The following CIB4 variants were observed in gnomAD, a reference collection of about 807,000 sequenced individuals.
CIB4 encodes the protein calcium and integrin-binding family member 4.
In CIB4, 25 loss-of-function variants were observed where a neutral mutation model predicts 25.8. The observed-to-expected ratio is 0.97, with a 90% CI of 0.71 to 1.35. The LOEUF is 1.35. Among genes scored for constraint, CIB4 ranks in the 40% most tolerant of loss-of-function variants. The pLI is 0.00. For synonymous variants in CIB4, 75 were observed against 81.4 expected, an observed-to-expected ratio of 0.92 and a Z score of 0.42; for missense variants, 235 against 228.2, an observed-to-expected ratio of 1.03 and a Z score of -0.19.
intron 5 of CIB4, 148 bp downstream of exon 5, chr2:26,583,641 A>G (rs893894025): frequency 1.6e-6 from 1 of 626,886 alleles, no homozygotes; most frequent in African/African-American, 1.8e-5. Flanking sequence ...CCCCCAGGGA[A>G]TGTGTGCACC....
At chr2:26,639,125 G>A (rs1049205561) in intron 2 of CIB4, among the ~76,000 whole-genome samples, 3 of 152,132 alleles carry the variant, frequency 2.0e-5, no homozygotes, top group East Asian at 3.9e-4. Context: ...GGCCTTGAGG[G>A]AAAAGGACTG....
At chr2:26,639,852 G>T (rs1390555177) in intron 2 of CIB4, among the ~76,000 whole-genome samples, 1 of 152,100 alleles carries the variant, frequency 6.6e-6, no homozygotes, top group Non-Finnish European at 1.5e-5. Context: ...GTCTTGGTGA[G>T]CTCCTTTATT....
intron 3 of CIB4, among the ~76,000 whole-genome samples, chr2:26,617,628 C>T (rs1669118772): frequency 6.6e-6 from 1 of 152,182 alleles, no homozygotes; most frequent in Non-Finnish European, 1.5e-5. Flanking sequence ...TTTTCATTAA[C>T]AAGCCAGGGA....
intron 3 of CIB4, among the ~76,000 whole-genome samples, chr2:26,597,099 AT>A (rs539988852): frequency 2.8e-4 from 42 of 152,298 alleles, no homozygotes; most frequent in African/African-American, 9.4e-4. Context: ...TTAAAATGGG[AT>A]TTTTTGTGGT....
chr2:26,617,781 C>T (rs1669124038), intron 3 of CIB4, among the ~76,000 whole-genome samples: 1 of 152,202 alleles, frequency 6.6e-6, no homozygotes, highest in Admixed American at 6.5e-5. Flanking sequence ...AATCCTTTGC[C>T]CTCTGGCTGA....
Position 26,623,724 on chromosome 2 carries a change from G to A in CIB4, c.186+5686C>T, listed in dbSNP as rs1418114896. 2.0e-5 allele frequency: 7 copies of A among 347,622 alleles called. No homozygotes were observed. The East Asian group carries it at 5.8e-4, about 29-fold the overall frequency. 21.5% of individuals were successfully genotyped at this position (347,622 alleles called of 1,614,324 possible). On this transcript the variant is annotated intron_variant, in intron 3 of 6. Transcript: ENST00000288861. ...GCCAGCAGGAAGCCCGGAGCAGGAG[G>A]AGGGAAGAGGCCAGGGGGGTGAGGT...
At chr2:26,613,680 T>C (rs564570846) in intron 3 of CIB4, among the ~76,000 whole-genome samples, 4 of 152,226 alleles carry the variant, frequency 2.6e-5, no homozygotes, top group South Asian at 2.1e-4. Context: ...ACTCCAGGGC[T>C]TTTGGTGACA....
chr2:26,639,787 G>A (rs895144842), intron 2 of CIB4, among the ~76,000 whole-genome samples: 1 of 151,898 alleles, frequency 6.6e-6, no homozygotes, highest in Non-Finnish European at 1.5e-5. Flanking sequence ...ACTGGGGAGG[G>A]TTAGTCCAAG....
chr2:26,593,614 A>G lies in CIB4; in HGVS notation c.328+1562T>C, dbSNP rs542530291. ...CATTCTTGAGAATTCATCAATGAAA[A>G]CAAATTTTTGTACATTGTGTACAAT... On this transcript the variant is annotated intron_variant, in intron 4 of 6. Coordinates refer to ENST00000288861, the MANE Select transcript of CIB4 (RefSeq NM_001029881.3). 3.3e-5 allele frequency among the ~76,000 whole-genome samples: 5 copies of G among 152,294 alleles called. No individual in the cohort carries two copies. In the South Asian group the frequency reaches 1.0e-3, roughly 32 times the overall value.
In CIB4 at chr2:26,594,146, G is replaced by A. The variant is rs181575551; in HGVS notation, c.328+1030C>T. Reference sequence around the variant, plus strand: ...ATCAGATCTCTCTAGAACACATCTCGCTTTTGGTAGCTTTCCAATGCCATC... The same window carrying A: ...ATCAGATCTCTCTAGAACACATCTCACTTTTGGTAGCTTTCCAATGCCATC... On this transcript the variant is annotated intron_variant, in intron 4 of 6. Transcript: ENST00000288861. Among the ~76,000 whole-genome samples, 501 of 152,212 alleles carry A rather than the reference G, an allele frequency of 3.3e-3. 5 individuals are homozygous for A. The highest frequency in any genetic ancestry group is 0.012 in the African/African-American group (480 of 41,530).
chr2:26,616,614 G>A (rs1347147826), intron 3 of CIB4, among the ~76,000 whole-genome samples: 1 of 152,144 alleles, frequency 6.6e-6, no homozygotes, highest in East Asian at 1.9e-4. Context: ...CTGGACCTAA[G>A]CCCAGGCTAC....
At chr2:26,603,258 G>A (rs186444910) in intron 3 of CIB4, among the ~76,000 whole-genome samples, 16 of 152,250 alleles carry the variant, frequency 1.1e-4, no homozygotes, top group African/African-American at 3.4e-4. Flanking sequence ...ATGACTAAAT[G>A]GAAGGTGGGA....
chr2:26,626,083 A>G (rs959490817), intron 3 of CIB4, among the ~76,000 whole-genome samples: 7 of 152,106 alleles, frequency 4.6e-5, no homozygotes, highest in African/African-American at 1.7e-4. Context: ...ATTCTGTTCC[A>G]TTGGTCTACA....
chr2:26,607,463 T>C (rs1284301222), intron 3 of CIB4, among the ~76,000 whole-genome samples: 1 of 152,208 alleles, frequency 6.6e-6, no homozygotes, highest in Non-Finnish European at 1.5e-5. Flanking sequence ...CCATTTTTAA[T>C]AGCTTGTGAT....
At chr2:26,622,668 A>G (rs1572565952) in intron 3 of CIB4, among the ~76,000 whole-genome samples, 1 of 152,078 alleles carries the variant, frequency 6.6e-6, no homozygotes, top group East Asian at 1.9e-4. Context: ...CCTGGCACAC[A>G]TGAATAATTT....
In CIB4 at chr2:26,624,856, T is replaced by TATA. The variant is rs1439617883; in HGVS notation, c.186+4553_186+4554insTAT. 2.3e-3 allele frequency among the ~76,000 whole-genome samples: 348 copies of TATA among 149,678 alleles called. 1 individual carries two copies. Among genetic ancestry groups the TATA allele is most frequent in the African/African-American group, 7.9e-3 (318 of 40,006 alleles). ...TATTATGGTGTATATATATATATAT[T>TATA]TTTTTTATATAGGCATTATAGTCAA... On this transcript the variant is annotated intron_variant, in intron 3 of 6. Coordinates refer to ENST00000288861, the MANE Select transcript of CIB4 (RefSeq NM_001029881.3).
intron 3 of CIB4, among the ~76,000 whole-genome samples, chr2:26,615,010 AGTGAGAAAC>A (rs1669063948): frequency 6.6e-6 from 1 of 152,190 alleles, no homozygotes; most frequent in African/African-American, 2.4e-5. Flanking sequence ...CTTCCCAGGA[AGTGAGAAAC>A]GTGATGAGAA....
chr2:26,608,179 G>A (rs1301990217), intron 3 of CIB4, among the ~76,000 whole-genome samples: 1 of 150,138 alleles, frequency 6.7e-6, no homozygotes, highest in South Asian at 2.1e-4. Flanking sequence ...CGGGAAGGTT[G>A]CAGTGAGCTG....
intron 2 of CIB4, among the ~76,000 whole-genome samples, chr2:26,639,207 T>A (rs570048398): frequency 1.6e-3 from 237 of 151,592 alleles, no homozygotes; most frequent in African/African-American, 5.3e-3. Context: ...TTTTTTTTTT[T>A]AAATTATATT....
Sources: gnomAD v4.1 joint callset for allele counts (sites outside exome capture counted in the v4.1 genomes callset) on GRCh38, gnomAD v4.1.1 for gene constraint, MANE v1.5 for transcripts, NCBI Gene and HGNC (gene_info 2026-07-23, HGNC 2026-07-21) for gene names.